The following LRRC4C variants were observed in gnomAD, a reference collection of about 807,000 sequenced individuals.
LRRC4C encodes the protein leucine rich repeat containing 4C, also known as leucine-rich repeat-containing protein 4C.
A neutral mutation model predicts 33.6 loss-of-function variants in LRRC4C; 5 were observed. The ratio of observed to expected loss-of-function variants is 0.15; its 90% CI spans 0.08 to 0.31. The LOEUF is 0.31. Among genes scored for constraint, LRRC4C ranks in the 10% least tolerant of loss-of-function variants. LRRC4C has a pLI of 1.00. For missense variants in LRRC4C, 560 were observed against 796.7 expected (o/e 0.70, Z 3.58); for synonymous variants, 329 against 302.0 (o/e 1.09, Z -0.93).
At chr11:41,138,690 A>G (rs1816638669) in intron 1 of LRRC4C, among the ~76,000 whole-genome samples, 1 of 152,168 alleles carries the variant, frequency 6.6e-6, no homozygotes, top group African/African-American at 2.4e-5. Flanking sequence ...GTCAGCTTTT[A>G]TGATGGTTTC....
chr11:40,349,940 A>G (rs1947311119), intron 3 of LRRC4C, among the ~76,000 whole-genome samples: 3 of 152,024 alleles, frequency 2.0e-5, no homozygotes, highest in African/African-American at 7.2e-5. Context: ...ATCAGATTAT[A>G]AGATTTTTTC....
chr11:40,471,882 C>T (rs552873387), intron 3 of LRRC4C, among the ~76,000 whole-genome samples: 10 of 152,244 alleles, frequency 6.6e-5, no homozygotes, highest in Admixed American at 3.9e-4. Flanking sequence ...CACCACATCG[C>T]ACTTATTCTA....
At chr11:40,988,999 C>A (rs866603339) in intron 1 of LRRC4C, among the ~76,000 whole-genome samples, 1 of 152,054 alleles carries the variant, frequency 6.6e-6, no homozygotes, top group South Asian at 2.1e-4. Context: ...GGATTACAGG[C>A]GTGAGCCACC....
chr11:40,373,144 CCT>C (rs149694057), intron 3 of LRRC4C, among the ~76,000 whole-genome samples: 4,387 of 152,182 alleles, frequency 0.029, 197 homozygotes, highest in African/African-American at 0.099. Flanking sequence ...GCAATCTCTA[CCT>C]CACACCCTAC....
At chr11:41,169,885 G>A (rs1188158471) in intron 1 of LRRC4C, among the ~76,000 whole-genome samples, 1 of 152,086 alleles carries the variant, frequency 6.6e-6, no homozygotes, top group Non-Finnish European at 1.5e-5. Flanking sequence ...TAAATCACTG[G>A]ATAAGATGAA....
chr11:41,086,682 T>C (rs927869502), intron 1 of LRRC4C, among the ~76,000 whole-genome samples: 5 of 152,160 alleles, frequency 3.3e-5, no homozygotes, highest in Non-Finnish European at 5.9e-5. Context: ...TGGTTCAGGA[T>C]CTATTTTTAA....
chr11:40,543,263 A>G (rs1956794427), intron 3 of LRRC4C, among the ~76,000 whole-genome samples: 1 of 152,114 alleles, frequency 6.6e-6, no homozygotes, highest in South Asian at 2.1e-4. Context: ...TTGATAACTA[A>G]TTTTAAAATT....
chr11:40,385,592 G>T (rs1281238478), intron 3 of LRRC4C, among the ~76,000 whole-genome samples: 2 of 152,076 alleles, frequency 1.3e-5, no homozygotes, highest in African/African-American at 2.4e-5. Context: ...GAGGCTGGGT[G>T]CGGTAGTGGC....
chr11:40,131,727 A>T (rs752332318), intron 6 of LRRC4C, among the ~76,000 whole-genome samples: 6 of 152,294 alleles, frequency 3.9e-5, no homozygotes, highest in South Asian at 2.1e-4. Flanking sequence ...GTACATAATC[A>T]ATACTGTAGG....
chr11:41,027,007 A>AT (rs1856421620), intron 1 of LRRC4C, among the ~76,000 whole-genome samples: 1 of 151,560 alleles, frequency 6.6e-6, no homozygotes, highest in African/African-American at 2.4e-5. Context: ...GATAGTCAGA[A>AT]TTTTTATCTT....
At chr11:41,046,205 AT>A (rs1857765394) in intron 1 of LRRC4C, among the ~76,000 whole-genome samples, 1 of 152,268 alleles carries the variant, frequency 6.6e-6, no homozygotes, top group African/African-American at 2.4e-5. Flanking sequence ...TGCTTTGTGT[AT>A]CAGATATTTG....
At chr11:40,481,806 G>T (rs905826945) in intron 3 of LRRC4C, among the ~76,000 whole-genome samples, 3 of 151,948 alleles carry the variant, frequency 2.0e-5, no homozygotes, top group African/African-American at 7.3e-5. Context: ...TATTTTCAAA[G>T]AATTGAGATA....
intron 5 of LRRC4C, among the ~76,000 whole-genome samples, chr11:40,227,355 A>G (rs1164620314): frequency 2.0e-5 from 3 of 152,218 alleles, no homozygotes; most frequent in Non-Finnish European, 4.4e-5. Flanking sequence ...GATGATTGTT[A>G]TGATGATGAC....
At chr11:40,687,607 C>T (rs575128308) in intron 2 of LRRC4C, among the ~76,000 whole-genome samples, 1 of 152,112 alleles carries the variant, frequency 6.6e-6, no homozygotes, top group South Asian at 2.1e-4. Flanking sequence ...ATTTCTTTGC[C>T]CATTCAAGCT....
intron 2 of LRRC4C, among the ~76,000 whole-genome samples, chr11:40,716,298 A>G (rs1946712162): frequency 6.6e-6 from 1 of 152,138 alleles, no homozygotes; most frequent in African/African-American, 2.4e-5. Flanking sequence ...GGTATTCTTC[A>G]TAGTTTACAC....
intron 1 of LRRC4C, among the ~76,000 whole-genome samples, chr11:41,172,758 A>G (rs1189174606): frequency 6.6e-6 from 1 of 152,206 alleles, no homozygotes; most frequent in Non-Finnish European, 1.5e-5. Flanking sequence ...AATAGAACAT[A>G]AGTATTTTTA....
In LRRC4C at chr11:40,879,433, A is replaced by G. The variant is rs547701182; in HGVS notation, c.-407+54202T>C. On this transcript the variant is annotated intron_variant, in intron 2 of 6. Transcript: ENST00000528697. ...TACTTGTTCTAACAGGCGACAGCAG[A>G]AGGAATTTGAAAGGAAAGTTGTTCA... 1.2e-4 allele frequency among the ~76,000 whole-genome samples: 18 copies of G among 152,302 alleles called. No individual in the cohort carries two copies. The South Asian group carries it at 3.5e-3, about 30-fold the overall frequency.
chr11:40,348,414 G>T (rs1341967776), intron 3 of LRRC4C, among the ~76,000 whole-genome samples: 1 of 152,018 alleles, frequency 6.6e-6, no homozygotes, highest in Non-Finnish European at 1.5e-5. Flanking sequence ...TTTTCCAGAG[G>T]TCCCACATTT....
At chr11:40,641,341 C>T (rs1942109033) in intron 3 of LRRC4C, among the ~76,000 whole-genome samples, 1 of 152,074 alleles carries the variant, frequency 6.6e-6, no homozygotes, top group Non-Finnish European at 1.5e-5. Flanking sequence ...TCTTATTCAC[C>T]ACTGAAAATT....
Sources: gnomAD v4.1 joint callset for allele counts (sites outside exome capture counted in the v4.1 genomes callset) on GRCh38, gnomAD v4.1.1 for gene constraint, MANE v1.5 for transcripts, NCBI Gene and HGNC (gene_info 2026-07-23, HGNC 2026-07-21) for gene names.